The following OGDH variants were observed in gnomAD, a reference collection of about 807,000 sequenced individuals.
OGDH encodes oxoglutarate dehydrogenase, also known as 2-oxoglutarate dehydrogenase complex component E1.
OGDH carries 38 observed loss-of-function variants against 116.6 expected under a neutral mutation model. That is an observed-to-expected ratio of 0.33 (90% CI 0.25 to 0.43). The LOEUF (loss-of-function observed/expected upper bound fraction) is 0.43, where lower values mean the gene tolerates loss of function less well. OGDH is among the 20% of genes least tolerant of loss of function. OGDH has a pLI of 1.00. For missense variants in OGDH, 825 were observed against 1,357.2 expected (o/e 0.61, Z 6.16); for synonymous variants, 488 against 533.3 (o/e 0.92, Z 1.17).
intron 2 of OGDH, among the ~76,000 whole-genome samples, chr7:44,637,182 C>A (rs2115666514): frequency 6.6e-6 from 1 of 152,330 alleles, no homozygotes; most frequent in South Asian, 2.1e-4. Flanking sequence ...GGTGGGCAGG[C>A]ACTGGCCAGG....
Position 44,708,263 on chromosome 7 carries a change from C to T in OGDH, c.*264C>T. 1 of 429,306 alleles carries T rather than the reference C, an allele frequency of 2.3e-6. No individual in the cohort carries two copies. Among genetic ancestry groups the T allele is most frequent in the Non-Finnish European group, 4.2e-6 (1 of 237,232 alleles). 26.6% of individuals were successfully genotyped at this position (429,306 alleles called of 1,614,324 possible). A position where few individuals can be genotyped will look rare whatever the true frequency, so the allele number is the denominator to read the frequency against. ...GGGAGCAGGAGGAGGAAAGGTAGCCCCCGAGGGATGTCCTTGGGGAGGGGT... is the reference window on the plus strand; with the variant it reads ...GGGAGCAGGAGGAGGAAAGGTAGCCTCCGAGGGATGTCCTTGGGGAGGGGT... On this transcript the variant is annotated 3_prime_UTR_variant, in exon 23 of 23. Transcript: ENST00000222673.
chr7:44,662,763 A>T (rs958213801), intron 4 of OGDH, among the ~76,000 whole-genome samples: 3 of 152,184 alleles, frequency 2.0e-5, no homozygotes, highest in Admixed American at 6.5e-5. Flanking sequence ...TGCCCAGCCT[A>T]TACCACTTCT....
At chr7:44,656,807 C>A (rs1786710741) in intron 4 of OGDH, among the ~76,000 whole-genome samples, 1 of 152,116 alleles carries the variant, frequency 6.6e-6, no homozygotes, top group Non-Finnish European at 1.5e-5. Context: ...GCAAGATTTC[C>A]AAAATGTTTT....
intron 1 of OGDH, among the ~76,000 whole-genome samples, chr7:44,612,642 CA>C: frequency 6.6e-6 from 1 of 151,986 alleles, no homozygotes; most frequent in East Asian, 1.9e-4. Flanking sequence ...CTCGGCCTCC[CA>C]AAGTGCTAGG....
At chr7:44,620,216 T>A (rs1784959885) in intron 1 of OGDH, among the ~76,000 whole-genome samples, 1 of 152,240 alleles carries the variant, frequency 6.6e-6, no homozygotes, top group African/African-American at 2.4e-5. Flanking sequence ...AAACGGCGTT[T>A]CGCCATGTTA....
intron 9 of OGDH, among the ~76,000 whole-genome samples, chr7:44,677,026 C>T (rs908549861): frequency 6.6e-6 from 1 of 152,068 alleles, no homozygotes; most frequent in Non-Finnish European, 1.5e-5. Context: ...GGGGTTGACT[C>T]GCCTGCCTGC....
chr7:44,696,386 A>G lies in OGDH; in HGVS notation c.1772-43A>G, dbSNP rs776022346. 6.3e-6 allele frequency: 10 copies of G among 1,592,300 alleles called. No individual in the cohort carries two copies. The Admixed American group carries it at 1.8e-4, about 28-fold the overall frequency. Reference sequence around the variant, plus strand: ...GTCTGCCATTTTGTGGTCCCTGGAAAAGTAGAGCAGATGTCATGCCTCAGT... The same window carrying G: ...GTCTGCCATTTTGTGGTCCCTGGAAGAGTAGAGCAGATGTCATGCCTCAGT... On this transcript the variant is annotated intron_variant, in intron 13 of 22. Coordinates refer to ENST00000222673, the MANE Select transcript of OGDH (RefSeq NM_002541.4).
In OGDH at chr7:44,697,749, C is replaced by T. The variant is rs1410960643; in HGVS notation, c.2325C>T (p.Ile775=). Residue 775 remains isoleucine, a synonymous_variant, in exon 17 of 23, where the codon ATC becomes ATT. Transcript: ENST00000222673. This position sits in a 1 kb window ranked among gnomAD's most constrained non-coding sequence, Gnocchi z 6.0. ...GQAKWVRQNG[I]VLLLPHGMEG... is the part of the protein sequence containing the mutation. Reference sequence around the variant, plus strand: ...CCAAGTGGGTGCGGCAGAATGGCATCGTGTTGCTGCTGCCCCATGGCATGG... The same window carrying T: ...CCAAGTGGGTGCGGCAGAATGGCATTGTGTTGCTGCTGCCCCATGGCATGG... The T allele has an allele frequency of 2.5e-6, 4 of 1,614,172 alleles. No homozygotes were observed. The highest frequency in any genetic ancestry group is 3.4e-6 in the Non-Finnish European group (4 of 1,180,026).
chr7:44,629,512 C>T (rs191224776), intron 2 of OGDH, among the ~76,000 whole-genome samples: 152 of 152,226 alleles, frequency 1.0e-3, no homozygotes, highest in African/African-American at 3.3e-3. Context: ...GCCCACCTGC[C>T]TAAAGCCTGC....
At chr7:44,667,104 C>G (rs1420955763) in intron 5 of OGDH, among the ~76,000 whole-genome samples, 2 of 151,966 alleles carry the variant, frequency 1.3e-5, no homozygotes, top group Non-Finnish European at 2.9e-5. Context: ...ACCACCATGC[C>G]CAGCTAATTT....
chr7:44,647,317 T>C, intron 3 of OGDH: 1 of 627,602 alleles, frequency 1.6e-6, no homozygotes, highest in Non-Finnish European at 2.8e-6. Context: ...TAAAAACTAA[T>C]TTTGTCGTAT....
intron 2 of OGDH, among the ~76,000 whole-genome samples, chr7:44,626,356 CA>C (rs1562620039): frequency 2.6e-5 from 4 of 151,426 alleles, no homozygotes; most frequent in Admixed American, 1.3e-4. Flanking sequence ...CACACACACA[CA>C]CACCCCTACA....
chr7:44,621,904 C>T (rs1206591382), intron 1 of OGDH, among the ~76,000 whole-genome samples: 1 of 152,012 alleles, frequency 6.6e-6, no homozygotes, highest in Non-Finnish European at 1.5e-5. Context: ...TGTGGCAGCT[C>T]TGCTGGGCAG....
chr7:44,688,624 G>T (rs1046927920), intron 10 of OGDH, among the ~76,000 whole-genome samples: 7 of 151,452 alleles, frequency 4.6e-5, no homozygotes, highest in Non-Finnish European at 7.4e-5. Context: ...TAGAGATGGG[G>T]TTTCACCCTG....
At chr7:44,645,261 G>C in intron 2 of OGDH, 66 bp from the exon 3 acceptor site, 1 of 1,458,494 alleles carries the variant, frequency 6.9e-7, no homozygotes, top group Non-Finnish European at 9.5e-7. Flanking sequence ...GCAGTTCTCT[G>C]TGGCCACAGA....
chr7:44,677,799 G>C (rs1163300302), intron 9 of OGDH, among the ~76,000 whole-genome samples: 1 of 151,796 alleles, frequency 6.6e-6, no homozygotes, highest in Admixed American at 6.6e-5. Context: ...GCTTGAACCT[G>C]GGAGGCGGAG....
chr7:44,640,672 A>T (rs1336639420), intron 2 of OGDH, among the ~76,000 whole-genome samples: 1 of 152,100 alleles, frequency 6.6e-6, no homozygotes, highest in Non-Finnish European at 1.5e-5. Flanking sequence ...TTTACGAAAT[A>T]GAAGAAAATG....
chr7:44,701,958 C>A (rs1232445626), intron 20 of OGDH, among the ~76,000 whole-genome samples: 4 of 151,996 alleles, frequency 2.6e-5, no homozygotes, highest in Non-Finnish European at 5.9e-5. Context: ...GTAATCCCAG[C>A]TACTCAGGAG....
chr7:44,676,584 ATATGTATATG>A (rs1787706207), intron 9 of OGDH: 1 of 211,522 alleles, frequency 4.7e-6, no homozygotes, highest in African/African-American at 3.0e-5. Flanking sequence ...AATAAAAAAT[ATATGTATATG>A]TATGTATGTG....
Sources: gnomAD v4.1 joint callset for allele counts (sites outside exome capture counted in the v4.1 genomes callset) on GRCh38, gnomAD v4.1.1 for gene constraint, Gnocchi (gnomAD v3.1) non-coding constraint, MANE v1.5 for transcripts, NCBI Gene and HGNC (gene_info 2026-07-23, HGNC 2026-07-21) for gene names.